LRRC4C: variants seen among roughly 807,000 people sequenced by gnomAD.
The protein encoded by LRRC4C is leucine-rich repeat-containing protein 4C.
LRRC4C carries 5 observed loss-of-function variants against 33.6 expected under a neutral mutation model. That is an observed-to-expected ratio of 0.15 (90% confidence interval 0.08 to 0.31). LRRC4C has a LOEUF of 0.31. Among genes scored for constraint, LRRC4C ranks in the 10% least tolerant of loss-of-function variants. The probability of loss-of-function intolerance (pLI) is 1.00; values close to 1 mark genes in which losing one functional copy is unlikely to be tolerated. For synonymous variants in LRRC4C, 329 were observed against 302.0 expected, an observed-to-expected ratio of 1.09 and a Z score of -0.93; for missense variants, 560 against 796.7, an observed-to-expected ratio of 0.70 and a Z score of 3.58.
intron 3 of LRRC4C, among the ~76,000 whole-genome samples, chr11:40,623,166 G>C (rs1962616478): frequency 6.6e-6 from 1 of 151,368 alleles, no homozygotes. Context: ...TTTTTCATTT[G>C]TAAAATGAGT....
intron 1 of LRRC4C, among the ~76,000 whole-genome samples, chr11:40,940,220 T>G (rs933083012): frequency 1.3e-5 from 2 of 152,152 alleles, no homozygotes; most frequent in Admixed American, 6.6e-5. Context: ...ATGGGCTTGT[T>G]GTGAGAATTA....
intron 5 of LRRC4C, among the ~76,000 whole-genome samples, chr11:40,199,605 A>G (rs939175310): frequency 6.6e-6 from 1 of 152,242 alleles, no homozygotes; most frequent in Admixed American, 6.5e-5. Flanking sequence ...AGACCAAGAA[A>G]GAGAACACCT....
intron 2 of LRRC4C, among the ~76,000 whole-genome samples, chr11:40,891,684 A>C (rs1286695633): frequency 6.6e-6 from 1 of 152,222 alleles, no homozygotes; most frequent in Non-Finnish European, 1.5e-5. Context: ...CGAGAAATGC[A>C]AATCAAAATC....
chr11:41,136,863 A>T (rs545110321), intron 1 of LRRC4C, among the ~76,000 whole-genome samples: 1 of 152,338 alleles, frequency 6.6e-6, no homozygotes, highest in African/African-American at 2.4e-5. Flanking sequence ...TCCCTCTGCC[A>T]CAAGGAAAAG....
intron 3 of LRRC4C, among the ~76,000 whole-genome samples, chr11:40,560,098 G>A (rs1226440019): frequency 6.6e-6 from 1 of 152,120 alleles, no homozygotes; most frequent in East Asian, 1.9e-4. Flanking sequence ...TGCCTGAAGA[G>A]TTATGTTCTG....
At chr11:41,112,270 C>A (rs1293586030) in intron 1 of LRRC4C, among the ~76,000 whole-genome samples, 1 of 152,012 alleles carries the variant, frequency 6.6e-6, no homozygotes, top group Non-Finnish European at 1.5e-5. Flanking sequence ...ACAAGTAAAA[C>A]CTTTCTGGCC....
At chr11:40,228,154 C>T (rs907474205) in intron 5 of LRRC4C, among the ~76,000 whole-genome samples, 1 of 152,182 alleles carries the variant, frequency 6.6e-6, no homozygotes, top group Non-Finnish European at 1.5e-5. Context: ...CTCCTTCAAT[C>T]ATCTAGTCTA....
chr11:40,398,569 A>AT (rs1949633773), intron 3 of LRRC4C, among the ~76,000 whole-genome samples: 1 of 152,004 alleles, frequency 6.6e-6, no homozygotes, highest in African/African-American at 2.4e-5. Context: ...TAACTCTGAT[A>AT]TTTTCTATTT....
chr11:40,395,855 C>T (rs928788087), intron 3 of LRRC4C, among the ~76,000 whole-genome samples: 1 of 152,064 alleles, frequency 6.6e-6, no homozygotes, highest in Non-Finnish European at 1.5e-5. Flanking sequence ...GGTGTGGTCA[C>T]ATGCACCTGT....
At chr11:40,198,027 A>G (rs977644983) in intron 5 of LRRC4C, among the ~76,000 whole-genome samples, 1 of 152,190 alleles carries the variant, frequency 6.6e-6, no homozygotes, top group East Asian at 1.9e-4. Context: ...ATAAAGTAGG[A>G]TAAGTGGGAA....
intron 1 of LRRC4C, among the ~76,000 whole-genome samples, chr11:41,129,734 T>A (rs1221948571): frequency 6.6e-6 from 1 of 152,022 alleles, no homozygotes; most frequent in Non-Finnish European, 1.5e-5. Context: ...GACCACAGAC[T>A]AGCTCCTTAG....
chr11:40,229,207 C>T (rs1021388653), intron 5 of LRRC4C, among the ~76,000 whole-genome samples: 3 of 152,034 alleles, frequency 2.0e-5, no homozygotes, highest in African/African-American at 4.8e-5. Flanking sequence ...GTAACTATTG[C>T]AATATACTAT....
chr11:40,227,837 T>A (rs1003267279), intron 5 of LRRC4C, among the ~76,000 whole-genome samples: 1 of 152,200 alleles, frequency 6.6e-6, no homozygotes. Context: ...TAATTTTTAA[T>A]ATTTTTAAAA....
intron 1 of LRRC4C, among the ~76,000 whole-genome samples, chr11:41,053,974 A>G (rs552243916): frequency 6.6e-6 from 1 of 152,168 alleles, no homozygotes; most frequent in African/African-American, 2.4e-5. Context: ...TTGTCATGTT[A>G]AGTCATTTGC....
chr11:40,126,736 A>G (rs7117019), intron 6 of LRRC4C, among the ~76,000 whole-genome samples: 59,205 of 151,690 alleles, frequency 0.39, 13,129 homozygotes, highest in African/African-American at 0.61. Flanking sequence ...CAGGGTGGGC[A>G]AATCACCTGA....
chr11:40,466,573 G>A (rs1353876820), intron 3 of LRRC4C, among the ~76,000 whole-genome samples: 2 of 151,218 alleles, frequency 1.3e-5, no homozygotes, highest in African/African-American at 4.9e-5. Context: ...ATTCTTATAG[G>A]AATTTTTTTG....
chr11:40,125,056 T>C (rs1284062680), intron 6 of LRRC4C, among the ~76,000 whole-genome samples: 2 of 152,114 alleles, frequency 1.3e-5, no homozygotes, highest in African/African-American at 4.8e-5. Flanking sequence ...CACAAAAAAG[T>C]AGCAGGTTGT....
At chr11:40,189,818 CT>C (rs959845815) in intron 5 of LRRC4C, among the ~76,000 whole-genome samples, 1 of 152,170 alleles carries the variant, frequency 6.6e-6, no homozygotes, top group African/African-American at 2.4e-5. Context: ...GAAAATACAA[CT>C]TTTAAGGATA....
At chr11:40,935,639 A>G (rs1262774406) in intron 1 of LRRC4C, among the ~76,000 whole-genome samples, 1 of 152,102 alleles carries the variant, frequency 6.6e-6, no homozygotes, top group Non-Finnish European at 1.5e-5. Context: ...AGTAGGGCAT[A>G]CAATAAAGGT....
Sources: gnomAD v4.1 joint callset for allele counts (sites outside exome capture counted in the v4.1 genomes callset) on GRCh38, gnomAD v4.1.1 for gene constraint, MANE v1.5 for transcripts, NCBI Gene and HGNC (gene_info 2026-07-23, HGNC 2026-07-21) for gene names.